The following FBXL7 variants were observed in gnomAD, a reference collection of about 807,000 sequenced individuals.
FBXL7 encodes the protein F-box and leucine rich repeat protein 7.
Under a neutral mutation model 38.3 loss-of-function variants are expected in FBXL7, and 12 were observed. The ratio of observed to expected loss-of-function variants is 0.31; its 90% CI spans 0.20 to 0.51. The LOEUF is 0.51. Among genes scored for constraint, FBXL7 ranks in the 20% least tolerant of loss-of-function variants. The pLI, the probability that FBXL7 is intolerant of heterozygous loss-of-function variation, is 0.98. For missense variants in FBXL7, 567 were observed against 676.4 expected (o/e 0.84, Z 1.79); for synonymous variants, 297 against 300.9 (o/e 0.99, Z 0.13).
intron 2 of FBXL7, among the ~76,000 whole-genome samples, chr5:15,899,517 A>G (rs1371862978): frequency 6.6e-6 from 1 of 152,224 alleles, no homozygotes; most frequent in Non-Finnish European, 1.5e-5. Context: ...AAAGTTTTAC[A>G]AGATTTTTTT....
chr5:15,825,827 G>C, intron 2 of FBXL7, among the ~76,000 whole-genome samples: 1 of 152,292 alleles, frequency 6.6e-6, no homozygotes, highest in South Asian at 2.1e-4. Context: ...GAATTCTTTA[G>C]ACTAAGTGTC....
At chr5:15,750,453 T>TA (rs1736126789) in intron 2 of FBXL7, among the ~76,000 whole-genome samples, 2 of 152,178 alleles carry the variant, frequency 1.3e-5, no homozygotes. Flanking sequence ...GAGTCTTTGC[T>TA]AGTAGCTTGG....
rs894964567 is a variant in FBXL7 at position 15,716,022 on chromosome 5, C to A, written c.127+99950C>A. 4.6e-5 allele frequency among the ~76,000 whole-genome samples: 7 copies of A among 152,120 alleles called. No individual in the cohort carries two copies. The East Asian group carries it at 5.8e-4, about 13-fold the overall frequency. On this transcript the variant is annotated intron_variant, in intron 2 of 3. Transcript: ENST00000504595. ...TGGCTTGATTTGGTCCAGAGAAAAC[C>A]CTACTGTATTTTCATAAAGCTGTGT...
Position 15,728,145 on chromosome 5 carries a change from C to G in FBXL7, c.127+112073C>G, listed in dbSNP as rs575663166. Among the ~76,000 whole-genome samples, 138 of 152,156 alleles carry G rather than the reference C, an allele frequency of 9.1e-4. 1 individual carries two copies. Among genetic ancestry groups the G allele is most frequent in the African/African-American group, 3.2e-3 (134 of 41,528 alleles). On this transcript the variant is annotated intron_variant, in intron 2 of 3. Transcript: ENST00000504595. ...CTTTGGAATTTCTCCCTATATTTCT[C>G]TATTGCTGTCAGCACTTTAAGATAA...
chr5:15,623,303 G>A (rs1268720525), intron 2 of FBXL7, among the ~76,000 whole-genome samples: 2 of 152,152 alleles, frequency 1.3e-5, no homozygotes, highest in Non-Finnish European at 2.9e-5. Context: ...GTTACCTAGG[G>A]TTGGAAACAC....
rs140864661 is a variant in FBXL7, at chr5:15,814,200, G to C, written c.128-113690G>C. 9.6e-3 allele frequency among the ~76,000 whole-genome samples: 1,454 copies of C among 152,218 alleles called. 28 individuals are homozygous for C. The highest frequency in any genetic ancestry group is 0.033 in the African/African-American group (1,376 of 41,534). ...CCCAAATGCCCATCAATGATAGGCTGGATAAAGAAAATGTGGCACATATAC... is the reference window on the plus strand; with the variant it reads ...CCCAAATGCCCATCAATGATAGGCTCGATAAAGAAAATGTGGCACATATAC... On this transcript the variant is annotated intron_variant, in intron 2 of 3. Coordinates refer to ENST00000504595, the MANE Select transcript of FBXL7 (RefSeq NM_012304.5).
chr5:15,724,940 T>C (rs1041580427), intron 2 of FBXL7, among the ~76,000 whole-genome samples: 1 of 152,186 alleles, frequency 6.6e-6, no homozygotes, highest in African/African-American at 2.4e-5. Context: ...ATTTAGTATA[T>C]ATAAACAAAG....
rs78696090 is a variant in FBXL7, at chr5:15,584,281, C to T, written c.38-31702C>T. Among the ~76,000 whole-genome samples, 707 of 152,318 alleles carry T rather than the reference C, an allele frequency of 4.6e-3. 13 individuals carry two copies. Among genetic ancestry groups the T allele is most frequent in the African/African-American group, 0.016 (667 of 41,570 alleles). On this transcript the variant is annotated intron_variant, in intron 1 of 3. Coordinates refer to ENST00000504595, the MANE Select transcript of FBXL7 (RefSeq NM_012304.5). ...TTGTCTGGGAGGTTAATATTTGACT[C>T]CTTGTTACTTATGAATTTCTCTTCC...
At position 15,581,718 on chromosome 5, in the gene FBXL7, CCTT is replaced by C. The variant is rs551307101; in HGVS notation, c.38-34261_38-34259del. Among the ~76,000 whole-genome samples the C allele has an allele frequency of 1.9e-4, 29 of 152,110 alleles. 1 individual carries two copies. The highest frequency in any genetic ancestry group is 7.2e-4 in the Admixed American group (11 of 15,282). ...GACTCTCTTGTCTTTTGGTCTGTCT[CCTT>C]CTTTCCCTCTTTCCCTCTGCTTGTT... On this transcript the variant is annotated intron_variant, in intron 1 of 3. Coordinates refer to ENST00000504595, the MANE Select transcript of FBXL7 (RefSeq NM_012304.5).
chr5:15,636,920 G>A (rs1444482289), intron 2 of FBXL7, among the ~76,000 whole-genome samples: 4 of 151,856 alleles, frequency 2.6e-5, no homozygotes, highest in African/African-American at 9.7e-5. Context: ...TGGAAGTAGT[G>A]CATTTTCATC....
intron 2 of FBXL7, among the ~76,000 whole-genome samples, chr5:15,842,453 G>A (rs1006803438): frequency 6.6e-6 from 1 of 152,158 alleles, no homozygotes; most frequent in Non-Finnish European, 1.5e-5. Flanking sequence ...GACTTGCCTT[G>A]TCTCAGATGA....
intron 2 of FBXL7, among the ~76,000 whole-genome samples, chr5:15,636,430 T>C (rs545520787): frequency 2.4e-4 from 37 of 152,310 alleles, no homozygotes; most frequent in African/African-American, 7.7e-4. Flanking sequence ...GATTGCTGTT[T>C]TGTAACATCT....
At chr5:15,785,976 T>C (rs1737122507) in intron 2 of FBXL7, among the ~76,000 whole-genome samples, 1 of 152,212 alleles carries the variant, frequency 6.6e-6, no homozygotes, top group Admixed American at 6.5e-5. Context: ...TTATGAACAG[T>C]ATTCAAATTG....
chr5:15,766,860 C>T (rs943752369), intron 2 of FBXL7, among the ~76,000 whole-genome samples: 1 of 152,214 alleles, frequency 6.6e-6, no homozygotes, highest in African/African-American at 2.4e-5. Flanking sequence ...AAACCCACCA[C>T]TACATTCTAC....
At chr5:15,867,496 G>T (rs186930009) in intron 2 of FBXL7, among the ~76,000 whole-genome samples, 43 of 152,250 alleles carry the variant, frequency 2.8e-4, no homozygotes, top group African/African-American at 8.9e-4. Flanking sequence ...GAACATCCTT[G>T]TATCTTCAGT....
chr5:15,808,407 G>A (rs1737771845), intron 2 of FBXL7, among the ~76,000 whole-genome samples: 1 of 151,982 alleles, frequency 6.6e-6, no homozygotes, highest in Non-Finnish European at 1.5e-5. Context: ...CCATGGACTT[G>A]CGATAGCCAA....
chr5:15,558,672 C>T (rs577211273), intron 1 of FBXL7, among the ~76,000 whole-genome samples: 2 of 152,358 alleles, frequency 1.3e-5, no homozygotes, highest in South Asian at 4.1e-4. Context: ...TAGGTGAGGC[C>T]ACATATGAAG....
At chr5:15,929,823 A>G (rs1158577440) in intron 3 of FBXL7, among the ~76,000 whole-genome samples, 1 of 152,086 alleles carries the variant, frequency 6.6e-6, no homozygotes, top group African/African-American at 2.4e-5. Context: ...TGAAATGTGT[A>G]AGATGCATCA....
At chr5:15,904,824 C>T (rs916265120) in intron 2 of FBXL7, among the ~76,000 whole-genome samples, 5 of 152,036 alleles carry the variant, frequency 3.3e-5, no homozygotes, top group Non-Finnish European at 5.9e-5. Context: ...AATGTAAAAT[C>T]ATAACTTCCT....
Sources: allele counts gnomAD v4.1 joint callset (sites outside exome capture counted in the v4.1 genomes callset), GRCh38; gene constraint gnomAD v4.1.1; transcripts MANE v1.5; gene names NCBI Gene and HGNC (gene_info 2026-07-23, HGNC 2026-07-21).